Variants in KLHL13 observed in about 807,000 individuals in gnomAD.
KLHL13 encodes the protein kelch like family member 13.
A neutral mutation model predicts 37.1 loss-of-function variants in KLHL13; 10 were observed. That is an observed-to-expected ratio of 0.27 (90% CI 0.17 to 0.46). KLHL13 has a LOEUF of 0.46. Ranked by LOEUF, KLHL13 falls within the 20% of genes least tolerant of loss-of-function variation. KLHL13 has a pLI of 1.00. For synonymous variants in KLHL13, 163 were observed against 181.2 expected (o/e 0.90, Z 0.81); for missense variants, 360 against 509.3 (o/e 0.71, Z 2.82).
intron 1 of KLHL13, among the ~76,000 whole-genome samples, chrX:118,103,315 AC>A (rs1165908913): frequency 1.8e-5 from 2 of 111,693 alleles, no homozygotes; most frequent in Non-Finnish European, 3.8e-5. Flanking sequence ...AGATCACCAC[AC>A]CTTTTGCCAT....
chrX:117,953,556 TAATAAAATAAAATAAAAA>T (rs1431383577), intron 1 of KLHL13, among the ~76,000 whole-genome samples: 1 of 109,901 alleles, frequency 9.1e-6, no homozygotes, highest in Non-Finnish European at 1.9e-5. Flanking sequence ...AGTATAATAG[TAATAAAATAAAATAAAAA>T]AATAAAATAA....
intron 1 of KLHL13, among the ~76,000 whole-genome samples, chrX:118,061,858 T>C (rs931480384): frequency 1.7e-4 from 19 of 111,820 alleles, no homozygotes; most frequent in African/African-American, 6.1e-4. Context: ...AATTAATGTT[T>C]CAAATTACGA....
intron 1 of KLHL13, among the ~76,000 whole-genome samples, chrX:118,088,336 A>G (rs1048346535): frequency 1.8e-5 from 2 of 112,175 alleles, no homozygotes; most frequent in African/African-American, 6.5e-5. Context: ...TGTATACGTT[A>G]ATCATTACTT....
At chrX:118,045,371 CAAA>C (rs55736320) in intron 1 of KLHL13, among the ~76,000 whole-genome samples, 55 of 72,532 alleles carry the variant, frequency 7.6e-4, no homozygotes, top group Admixed American at 9.8e-4. Context: ...AAGACTCCAT[CAAA>C]AAAAAAAAAA....
intron 1 of KLHL13, among the ~76,000 whole-genome samples, chrX:118,031,214 G>C (rs1454420764): frequency 9.1e-6 from 1 of 109,573 alleles, no homozygotes; most frequent in Non-Finnish European, 1.9e-5. Flanking sequence ...TCATGTAGAA[G>C]GAGATATTCA....
intron 1 of KLHL13, among the ~76,000 whole-genome samples, chrX:118,003,507 T>C (rs1345347545): frequency 9.2e-6 from 1 of 108,667 alleles, no homozygotes; most frequent in East Asian, 2.8e-4. Flanking sequence ...AATTATACCA[T>C]AATTACGTGA....
intron 1 of KLHL13, among the ~76,000 whole-genome samples, chrX:118,063,634 T>C (rs753809661): frequency 2.7e-5 from 3 of 111,789 alleles, no homozygotes; most frequent in Non-Finnish European, 5.7e-5. Flanking sequence ...TGTAAAGGAA[T>C]AGCCAAACTA....
intron 1 of KLHL13, among the ~76,000 whole-genome samples, chrX:118,102,452 G>C (rs553994714): frequency 4.4e-4 from 49 of 111,795 alleles, no homozygotes; most frequent in Non-Finnish European, 8.7e-4. Context: ...AAGGAAAGGA[G>C]TGTGTTTTCT....
At chrX:117,981,126 G>C (rs1245472145) in intron 1 of KLHL13, among the ~76,000 whole-genome samples, 1 of 112,101 alleles carries the variant, frequency 8.9e-6, no homozygotes, top group Non-Finnish European at 1.9e-5. Flanking sequence ...GTAGACTCTA[G>C]CTGAAAAGTA....
chrX:118,031,622 GTTGTATATATATTTAGTTATA>G (rs2054349280), intron 1 of KLHL13, among the ~76,000 whole-genome samples: 1 of 93,081 alleles, frequency 1.1e-5, no homozygotes, highest in African/African-American at 3.9e-5. Flanking sequence ...TATATATTTA[GTTGTATATATATTTAGTTATA>G]TATATATATT....
intron 1 of KLHL13, among the ~76,000 whole-genome samples, chrX:118,038,590 T>C (rs779803249): frequency 4.5e-5 from 5 of 111,221 alleles, no homozygotes; most frequent in Middle Eastern, 4.7e-3. Flanking sequence ...CCAACGACCA[T>C]GGAGGGAGCA....
intron 3 of KLHL13, among the ~76,000 whole-genome samples, chrX:117,919,989 A>C (rs951440168): frequency 2.8e-5 from 3 of 106,544 alleles, no homozygotes; most frequent in Non-Finnish European, 5.8e-5. Flanking sequence ...AGGAGGACAC[A>C]GAGTCTCTGA....
exon 5 of KLHL13, chrX:117,909,531 C>T (rs1383350222): frequency 7.4e-6 from 9 of 1,211,346 alleles, no homozygotes; most frequent in Non-Finnish European, 1.0e-5. Flanking sequence ...ATGCTGGTAC[C>T]TTGGGGCATC....
exon 5 of KLHL13, chrX:117,909,720 C>T: frequency 8.3e-7 from 1 of 1,212,090 alleles, no homozygotes. Flanking sequence ...TTGGTAATTG[C>T]TGGCTTCCAA....
chrX:118,083,877 T>G (rs2055024587), intron 1 of KLHL13, among the ~76,000 whole-genome samples: 1 of 111,576 alleles, frequency 9.0e-6, no homozygotes, highest in East Asian at 2.8e-4. Flanking sequence ...AAAATAAAAC[T>G]GTTTTAAAAG....
At position 118,076,369 on chromosome X, in the gene KLHL13, A is replaced by G. The variant is rs1293490900; in HGVS notation, c.-56+40139T>C. Among the ~76,000 whole-genome samples, 13 of 111,877 alleles carry G rather than the reference A, an allele frequency of 1.2e-4. No individual in the cohort carries two copies. In the Admixed American group the frequency reaches 1.2e-3, roughly 11 times the overall value. Reference sequence around the variant, plus strand: ...GGGATTTATCTGCAACTTTAAAATAACTTGGAATTTTTTTGGTTATGTGAT... The same window carrying G: ...GGGATTTATCTGCAACTTTAAAATAGCTTGGAATTTTTTTGGTTATGTGAT... On this transcript the variant is annotated intron_variant, in intron 1 of 6. Transcript: ENST00000371882.
At chrX:117,940,691 T>C (rs1714093448) in intron 2 of KLHL13, among the ~76,000 whole-genome samples, 1 of 111,540 alleles carries the variant, frequency 9.0e-6, no homozygotes, top group African/African-American at 3.3e-5. Flanking sequence ...AGGTATTTTA[T>C]TCTCTTTGTA....
chrX:118,044,301 C>T (rs185890493), intron 1 of KLHL13, among the ~76,000 whole-genome samples: 1 of 110,955 alleles, frequency 9.0e-6, no homozygotes, highest in East Asian at 2.8e-4. Context: ...AATGTCCATA[C>T]TACCCAATGC....
intron 1 of KLHL13, among the ~76,000 whole-genome samples, chrX:117,994,251 C>T (rs1177995646): frequency 6.4e-5 from 7 of 108,727 alleles, no homozygotes; most frequent in Non-Finnish European, 1.3e-4. Flanking sequence ...TCCTTCTTCC[C>T]TTCCTTCCTT....
Sources: gnomAD v4.1 joint callset for allele counts (sites outside exome capture counted in the v4.1 genomes callset) on GRCh38, gnomAD v4.1.1 for gene constraint, MANE v1.5 for transcripts, NCBI Gene and HGNC (gene_info 2026-07-23, HGNC 2026-07-21) for gene names.